RAPH1: variants seen among roughly 807,000 people sequenced by gnomAD.
RAPH1 encodes ras-associated and pleckstrin homology domains-containing protein 1.
A neutral mutation model predicts 88.1 loss-of-function variants in RAPH1; 18 were observed. The ratio of observed to expected loss-of-function variants is 0.20; its 90% CI spans 0.14 to 0.30. The LOEUF (loss-of-function observed/expected upper bound fraction) is 0.30. RAPH1 is among the 10% of genes least tolerant of loss of function. The probability of loss-of-function intolerance (pLI) is 1.00; values close to 1 mark genes in which losing one functional copy is unlikely to be tolerated. For synonymous variants in RAPH1, 587 were observed against 559.0 expected (o/e 1.05, Z -0.71); for missense variants, 1,448 against 1,543.2 (o/e 0.94, Z 1.03).
intron 1 of RAPH1, among the ~76,000 whole-genome samples, chr2:203,528,730 A>C (rs1690238279): frequency 6.6e-6 from 1 of 152,050 alleles, no homozygotes; most frequent in Non-Finnish European, 1.5e-5. Context: ...CTAAAAACTT[A>C]GGGTAAAAAA....
At chr2:203,459,161 G>A (rs921345206) in intron 7 of RAPH1, among the ~76,000 whole-genome samples, 16 of 152,142 alleles carry the variant, frequency 1.1e-4, no homozygotes, top group African/African-American at 2.2e-4. Flanking sequence ...GAGCCATTGC[G>A]CCTGGCCTGT....
chr2:203,459,847 A>C, intron 7 of RAPH1, 60 bp downstream of exon 7: 1 of 1,540,852 alleles, frequency 6.5e-7, no homozygotes, highest in Non-Finnish European at 8.9e-7. Flanking sequence ...CTTAGCAGTA[A>C]TCGAATAAAA....
Position 203,441,984 on chromosome 2 carries a change from GAC to G in RAPH1, c.1777-573_1777-572del. ...CAGTCACACAGGAATGAATAAGCTT[GAC>G]ACACACACTCGTGTTGGTGTGAGAC... On this transcript the variant is annotated intron_variant, in intron 13 of 13. Transcript: ENST00000319170. 4 of 1,520,492 alleles carry G rather than the reference GAC, an allele frequency of 2.6e-6. No homozygotes were observed. In the South Asian group the frequency reaches 4.1e-5, roughly 16 times the overall value. 94.2% of individuals were successfully genotyped at this position (1,520,492 alleles called of 1,614,324 possible).
chr2:203,487,569 G>C (rs1688029007), intron 4 of RAPH1, among the ~76,000 whole-genome samples: 1 of 151,974 alleles, frequency 6.6e-6, no homozygotes, highest in African/African-American at 2.4e-5. Flanking sequence ...ATTTTTAGTA[G>C]AGACAGGGTT....
intron 2 of RAPH1, chr2:203,495,018 T>C (rs1196682606): frequency 6.5e-6 from 3 of 463,494 alleles, no homozygotes; most frequent in African/African-American, 3.9e-5. Context: ...ACAGAGCCTC[T>C]CTCACAAGTA....
At chr2:203,481,549 T>G (rs1286590333) in intron 4 of RAPH1, among the ~76,000 whole-genome samples, 1 of 146,018 alleles carries the variant, frequency 6.8e-6, no homozygotes, top group Non-Finnish European at 1.5e-5. Context: ...TTATAGCCCC[T>G]ATTCATTTTA....
intron 13 of RAPH1, chr2:203,443,546 C>T (rs1159392128): frequency 2.0e-5 from 3 of 151,624 alleles, no homozygotes; most frequent in Non-Finnish European, 2.9e-5. Flanking sequence ...GCTCAGGAAT[C>T]CAAAACTTTT....
intron 1 of RAPH1, among the ~76,000 whole-genome samples, chr2:203,533,606 GC>G (rs1690484092): frequency 6.6e-6 from 1 of 151,600 alleles, no homozygotes; most frequent in Non-Finnish European, 1.5e-5. Flanking sequence ...TCACTTAAAT[GC>G]CGAGGCTTCC....
At chr2:203,509,356 C>T (rs753065151) in intron 1 of RAPH1, among the ~76,000 whole-genome samples, 6 of 151,930 alleles carry the variant, frequency 3.9e-5, no homozygotes, top group Non-Finnish European at 5.9e-5. Flanking sequence ...CCACCACACC[C>T]GGCCCTAAAA....
intron 2 of RAPH1, among the ~76,000 whole-genome samples, chr2:203,494,636 G>A (rs561818764): frequency 2.0e-5 from 3 of 151,802 alleles, no homozygotes; most frequent in South Asian, 4.2e-4. Context: ...GTGAAACCCC[G>A]TCTCTACTAA....
intron 1 of RAPH1, 58 bp from the exon 2 acceptor site, chr2:203,495,411 T>C (rs1435299251): frequency 3.2e-6 from 5 of 1,566,784 alleles, no homozygotes; most frequent in African/African-American, 1.4e-5. Flanking sequence ...ACTTGAAAAA[T>C]TATGCCATAT....
At chr2:203,442,059 G>T in intron 13 of RAPH1, 1 of 1,595,904 alleles carries the variant, frequency 6.3e-7, no homozygotes, top group East Asian at 2.3e-5. Context: ...GTAAAGGGGG[G>T]ACATTCTTTA....
At chr2:203,472,234 G>A (rs1358080139) in intron 4 of RAPH1, among the ~76,000 whole-genome samples, 1 of 151,878 alleles carries the variant, frequency 6.6e-6, no homozygotes, top group Admixed American at 6.6e-5. Flanking sequence ...CCAGCTTCAG[G>A]CGCTTCTCCT....
At chr2:203,506,879 T>TATAG (rs1425938058) in intron 1 of RAPH1, among the ~76,000 whole-genome samples, 3 of 81,206 alleles carry the variant, frequency 3.7e-5, no homozygotes, top group Non-Finnish European at 7.6e-5. Flanking sequence ...TATATATATA[T>TATAG]AGATATATAT....
chr2:203,505,985 T>C (rs189031988), intron 1 of RAPH1, among the ~76,000 whole-genome samples: 145 of 152,334 alleles, frequency 9.5e-4, no homozygotes, highest in African/African-American at 3.2e-3. Flanking sequence ...AAGCTGCAAC[T>C]TCATTCCTCT....
In RAPH1 at chr2:203,502,768, C is replaced by T. The variant is rs186274400; in HGVS notation, c.1-7415G>A. Among the ~76,000 whole-genome samples the T allele has an allele frequency of 4.0e-4, 60 of 149,290 alleles. No individual in the cohort carries two copies. The East Asian group carries it at 6.9e-3, about 17-fold the overall frequency. On this transcript the variant is annotated intron_variant, in intron 1 of 13. Transcript: ENST00000319170. ...CCTGGAGGTGGAGCTTGCAGTGAGC[C>T]GAGATCTCGCCACTGCACTCCAGCC...
intron 8 of RAPH1, among the ~76,000 whole-genome samples, 180 bp downstream of exon 8, chr2:203,457,350 C>T (rs891741273): frequency 3.9e-5 from 6 of 151,966 alleles, no homozygotes; most frequent in Non-Finnish European, 5.9e-5. Context: ...CCACGCCTGG[C>T]TAATTTTTTT....
At chr2:203,445,366 C>G (rs982085023) in intron 12 of RAPH1, 1 of 185,492 alleles carries the variant, frequency 5.4e-6, no homozygotes, top group Non-Finnish European at 1.1e-5. Context: ...ATCATGTCTG[C>G]ATTACATTGA....
In RAPH1 at chr2:203,489,673, C is replaced by G. The variant is rs772560358; in HGVS notation, c.643G>C (p.Ala215Pro). ...SNSSHSSITS[A>P]ASSMDSLDID... ...TCCAAAGAGTCCATGCTGGAGGCTG[C>G]GGAAGTGATGCTGGAATGGGAGGAA... The change falls in exon 4 of 14, where the codon GCA (alanine) becomes CCA (proline). Residue 215 changes from alanine (A) to proline (P), a missense_variant. Coordinates refer to ENST00000319170, the MANE Select transcript of RAPH1 (RefSeq NM_213589.3). 1 of 1,614,078 alleles carries G rather than the reference C, an allele frequency of 6.2e-7. No homozygotes were observed. Among genetic ancestry groups the G allele is most frequent in the South Asian group, 1.1e-5 (1 of 91,062 alleles).
Sources: gnomAD v4.1 joint callset for allele counts (sites outside exome capture counted in the v4.1 genomes callset) on GRCh38, gnomAD v4.1.1 for gene constraint, MANE v1.5 for transcripts, NCBI Gene and HGNC (gene_info 2026-07-23, HGNC 2026-07-21) for gene names.